Variants in NSG2 observed in about 807,000 individuals in gnomAD.
NSG2 encodes the protein neuronal vesicle trafficking-associated protein 2.
In NSG2, 4 loss-of-function variants were observed where a neutral mutation model predicts 16.9. That is an observed-to-expected ratio of 0.24 (90% CI 0.12 to 0.54). NSG2 has a LOEUF of 0.54. NSG2 is among the 20% of genes least tolerant of loss of function. The pLI, the probability that NSG2 is intolerant of heterozygous loss-of-function variation, is 0.95. For missense variants in NSG2, 179 were observed against 221.1 expected (o/e 0.81, Z 1.21); for synonymous variants, 98 against 88.7 (o/e 1.11, Z -0.59).
intron 2 of NSG2, among the ~76,000 whole-genome samples, chr5:174,057,948 G>A (rs1759990620): frequency 6.6e-6 from 1 of 152,184 alleles, no homozygotes; most frequent in Non-Finnish European, 1.5e-5. Context: ...GTCCTATATT[G>A]GGGTAGAGGC....
intron 2 of NSG2, among the ~76,000 whole-genome samples, chr5:174,048,848 G>A (rs866718131): frequency 1.7e-4 from 26 of 152,110 alleles, no homozygotes; most frequent in African/African-American, 5.8e-4. Flanking sequence ...CTCATAGTGG[G>A]CCTGCATGCA....
intron 3 of NSG2, among the ~76,000 whole-genome samples, chr5:174,089,295 G>T (rs1465467342): frequency 1.3e-5 from 2 of 152,174 alleles, no homozygotes; most frequent in Admixed American, 1.3e-4. Context: ...ACAGATTCCT[G>T]TCCTGTTGTG....
chr5:174,097,743 G>GTGTGTGTGTCTGTGTCTC (rs1760826898), intron 3 of NSG2, among the ~76,000 whole-genome samples: 1 of 150,788 alleles, frequency 6.6e-6, no homozygotes, highest in Non-Finnish European at 1.5e-5. Context: ...CTCTGTGTCT[G>GTGTGTGTGTCTGTGTCTC]TGTGTGTGTC....
At chr5:174,103,221 C>T (rs535428891) in intron 3 of NSG2, among the ~76,000 whole-genome samples, 3 of 151,970 alleles carry the variant, frequency 2.0e-5, no homozygotes, top group South Asian at 4.2e-4. Context: ...GGCTTCCACC[C>T]GGTTGGACAT....
At chr5:174,078,311 C>T (rs371878022) in intron 3 of NSG2, among the ~76,000 whole-genome samples, 12 of 152,040 alleles carry the variant, frequency 7.9e-5, no homozygotes, top group African/African-American at 2.4e-4. Context: ...CACACACACA[C>T]TTAAACTTGA....
At chr5:174,084,449 CA>C (rs752766431) in intron 3 of NSG2, among the ~76,000 whole-genome samples, 13 of 152,188 alleles carry the variant, frequency 8.5e-5, no homozygotes, top group Non-Finnish European at 1.6e-4. Context: ...CCTCAAGGAG[CA>C]AGCGGTTCAG....
At chr5:174,103,057 G>A (rs983232706) in intron 3 of NSG2, among the ~76,000 whole-genome samples, 16 of 151,094 alleles carry the variant, frequency 1.1e-4, no homozygotes, top group African/African-American at 3.9e-4. Context: ...CCAAAGTGCT[G>A]AGATTACAGG....
rs528836388 is a variant in NSG2 at position 174,058,136 on chromosome 5, G to A, written c.130-6096G>A. Among the ~76,000 whole-genome samples the A allele has an allele frequency of 1.6e-4, 24 of 152,326 alleles. 1 individual carries two copies. The South Asian group carries it at 4.6e-3, about 29-fold the overall frequency. On this transcript the variant is annotated intron_variant, in intron 2 of 4. Coordinates refer to ENST00000303177, the MANE Select transcript of NSG2 (RefSeq NM_015980.5). ...AATGCTGCTGTTATCTTCTAAGTTG[G>A]GGATTACATGGCATGAAGATGTTGA...
rs763375454 is a variant in NSG2, at chr5:174,072,090, G to T, written c.213+7775G>T. ...CTGCACCTAGCAGCCATAGAGCCAGGCCCCTCTCCCTCTGGAAGTCTCTAG... is the reference window on the plus strand; with the variant it reads ...CTGCACCTAGCAGCCATAGAGCCAGTCCCCTCTCCCTCTGGAAGTCTCTAG... On this transcript the variant is annotated intron_variant, in intron 3 of 4. Coordinates refer to ENST00000303177, the MANE Select transcript of NSG2 (RefSeq NM_015980.5). This position sits in a 1 kb window ranked among gnomAD's most constrained non-coding sequence, Gnocchi z 4.0. Among the ~76,000 whole-genome samples the T allele has an allele frequency of 1.3e-5, 2 of 152,106 alleles. No individual in the cohort carries two copies. Among genetic ancestry groups the T allele is most frequent in the Admixed American group, 6.5e-5 (1 of 15,284 alleles).
chr5:174,088,770 CA>C (rs1393894522), intron 3 of NSG2, among the ~76,000 whole-genome samples: 1 of 152,118 alleles, frequency 6.6e-6, no homozygotes, highest in African/African-American at 2.4e-5. Flanking sequence ...TTCTCGTTTC[CA>C]GATAAGACAG....
intron 3 of NSG2, among the ~76,000 whole-genome samples, chr5:174,075,564 A>G (rs1760326619): frequency 6.6e-6 from 1 of 152,080 alleles, no homozygotes. Flanking sequence ...CGAGTCCTGA[A>G]ATGTGTTGAT....
At chr5:174,093,448 G>A (rs1760750473) in intron 3 of NSG2, among the ~76,000 whole-genome samples, 1 of 152,188 alleles carries the variant, frequency 6.6e-6, no homozygotes, top group Non-Finnish European at 1.5e-5. Context: ...CAGGTTCATT[G>A]GTGAGCAGGT....
At chr5:174,088,820 T>G (rs1190033184) in intron 3 of NSG2, among the ~76,000 whole-genome samples, 1 of 152,128 alleles carries the variant, frequency 6.6e-6, no homozygotes, top group African/African-American at 2.4e-5. Context: ...CAGAAAGTGA[T>G]GGGTGGGAAT....
intron 4 of NSG2, among the ~76,000 whole-genome samples, chr5:174,106,451 C>G (rs746583173): frequency 2.6e-5 from 4 of 152,084 alleles, no homozygotes; most frequent in Non-Finnish European, 4.4e-5. Flanking sequence ...GCAGAGAAAC[C>G]TCCAAGTTCG....
intron 3 of NSG2, 55 bp downstream of exon 3, chr5:174,064,370 G>GCCT: frequency 8.1e-7 from 1 of 1,240,264 alleles, no homozygotes; most frequent in Non-Finnish European, 1.2e-6. Context: ...GCTCCAGCCA[G>GCCT]CTCAGCACAC....
intron 3 of NSG2, among the ~76,000 whole-genome samples, chr5:174,089,676 G>T (rs1760691626): frequency 6.6e-6 from 1 of 151,972 alleles, no homozygotes; most frequent in South Asian, 2.1e-4. Context: ...CCCAGGCTGG[G>T]GTGCACGACT....
Position 174,108,074 on chromosome 5 carries a change from A to G in NSG2, c.*569A>G. On this transcript the variant is annotated 3_prime_UTR_variant, in exon 5 of 5. Transcript: ENST00000303177. ...GAGAAGAGCTGATTTTGGCATTACT[A>G]AGCCCAGAACGCACATAACCCATAG... 3.4e-6 allele frequency: 1 copy of G among 297,700 alleles called. No homozygotes were observed. Among genetic ancestry groups the G allele is most frequent in the African/African-American group, 2.3e-5 (1 of 44,270 alleles). 18.4% of individuals were successfully genotyped at this position (297,700 alleles called of 1,614,324 possible).
chr5:174,057,803 G>A (rs1759988284), intron 2 of NSG2, among the ~76,000 whole-genome samples: 1 of 152,156 alleles, frequency 6.6e-6, no homozygotes, highest in South Asian at 2.1e-4. Flanking sequence ...CTCTGTAGTT[G>A]CCTCAGGTGC....
chr5:174,077,315 C>A (rs1760362040), intron 3 of NSG2, among the ~76,000 whole-genome samples: 1 of 152,144 alleles, frequency 6.6e-6, no homozygotes, highest in African/African-American at 2.4e-5. Flanking sequence ...CAGAGTGTGT[C>A]TCTTCTGAAA....
Sources: allele counts gnomAD v4.1 joint callset (sites outside exome capture counted in the v4.1 genomes callset), GRCh38; gene constraint gnomAD v4.1.1; non-coding constraint Gnocchi (gnomAD v3.1); transcripts MANE v1.5; gene names NCBI Gene and HGNC (gene_info 2026-07-23, HGNC 2026-07-21).